POLB: variants seen among roughly 807,000 people sequenced by gnomAD.
POLB encodes DNA polymerase beta.
A neutral mutation model predicts 52.7 loss-of-function variants in POLB; 37 were observed. The ratio of observed to expected loss-of-function variants is 0.70; its 90% confidence interval spans 0.54 to 0.92. The LOEUF (loss-of-function observed/expected upper bound fraction) is 0.92. Ranked by LOEUF, POLB falls within the 40% of genes least tolerant of loss-of-function variation. POLB has a pLI of 0.00. For synonymous variants in POLB, 138 were observed against 131.3 expected (o/e 1.05, Z -0.35); for missense variants, 313 against 400.8 (o/e 0.78, Z 1.87).
intron 1 of POLB, 101 bp from the exon 2 acceptor site, chr8:42,338,911 T>G (rs1585858420): frequency 9.3e-7 from 1 of 1,079,484 alleles, no homozygotes; most frequent in Non-Finnish European, 1.4e-6. Flanking sequence ...AGGAAACGGG[T>G]GGTCACTGTC....
chr8:42,344,879 A>G lies in POLB; in HGVS notation c.120-74A>G, dbSNP rs930714716. The G allele has an allele frequency of 9.4e-6, 8 of 855,046 alleles. No individual in the cohort carries two copies. The African/African-American group carries it at 1.2e-4, about 13-fold the overall frequency. The allele number at this position is 855,046 out of a possible 1,614,324, so 53.0% of individuals were successfully genotyped here. ...CATAAGCATAGATATTTGCTTGTAT[A>G]TGTATTCCAGTTTAAGAAAAATTAA... On this transcript the variant is annotated intron_variant, in intron 2 of 13. Coordinates refer to ENST00000265421, the MANE Select transcript of POLB (RefSeq NM_002690.3).
intron 4 of POLB, 198 bp downstream of exon 4, chr8:42,349,288 A>G (rs1585881499): frequency 2.1e-6 from 1 of 468,722 alleles, no homozygotes; most frequent in Non-Finnish European, 3.8e-6. Context: ...TTAAGAGACT[A>G]TTAACACCCG....
At chr8:42,349,255 T>C (rs1345536375) in intron 4 of POLB, 165 bp downstream of exon 4, 1 of 518,802 alleles carries the variant, frequency 1.9e-6, no homozygotes, top group Non-Finnish European at 3.5e-6. Flanking sequence ...TTCCATAAAA[T>C]GTTCACTTGT....
chr8:42,340,015 C>T (rs927497107), intron 2 of POLB: 1 of 152,222 alleles, frequency 6.6e-6, no homozygotes, highest in Non-Finnish European at 1.5e-5. Context: ...GCCTGGACTT[C>T]TTAATACCTA....
chr8:42,338,881 G>C (rs1822018281), intron 1 of POLB, 131 bp from the exon 2 acceptor site: 2 of 962,822 alleles, frequency 2.1e-6, no homozygotes, highest in African/African-American at 3.2e-5. Flanking sequence ...CGCTTGGGCT[G>C]CTTTTGGTCT....
At chr8:42,341,012 G>A (rs148751473) in intron 2 of POLB, among the ~76,000 whole-genome samples, 7 of 152,170 alleles carry the variant, frequency 4.6e-5, no homozygotes, top group Non-Finnish European at 7.4e-5. Flanking sequence ...AGACATGAAG[G>A]GTATAACGTT....
intron 5 of POLB, among the ~76,000 whole-genome samples, chr8:42,350,561 G>A (rs1271069086): frequency 6.6e-6 from 1 of 151,910 alleles, no homozygotes; most frequent in African/African-American, 2.4e-5. Context: ...ATAGGTGCAC[G>A]CCCCCTTGCC....
At chr8:42,362,514 A>T (rs1296523097) in intron 10 of POLB, 98 bp from the exon 11 acceptor site, 2 of 754,400 alleles carry the variant, frequency 2.7e-6, no homozygotes, top group Non-Finnish European at 4.6e-6. Flanking sequence ...CAGCCTGTGC[A>T]ATATAGCAAG....
intron 9 of POLB, among the ~76,000 whole-genome samples, chr8:42,358,184 T>G (rs981728995): frequency 4.6e-5 from 7 of 152,138 alleles, no homozygotes; most frequent in African/African-American, 1.7e-4. Flanking sequence ...GTTTAAAATA[T>G]TGAAAAGCTC....
intron 2 of POLB, among the ~76,000 whole-genome samples, chr8:42,344,649 A>G (rs1206687896): frequency 4.0e-5 from 6 of 151,810 alleles, no homozygotes; most frequent in African/African-American, 1.2e-4. Context: ...CCTGGCCAAC[A>G]TGGTGAAACA....
At chr8:42,357,090 T>A (rs1823360685) in intron 7 of POLB, 79 bp from the exon 8 acceptor site, 1 of 777,866 alleles carries the variant, frequency 1.3e-6, no homozygotes, top group Non-Finnish European at 2.2e-6. Flanking sequence ...GCACGGACAA[T>A]TGTTATAAAA....
chr8:42,356,618 T>G (rs2130820667), intron 7 of POLB, among the ~76,000 whole-genome samples: 1 of 150,956 alleles, frequency 6.6e-6, no homozygotes, highest in East Asian at 2.0e-4. Flanking sequence ...TACCCCCACC[T>G]CAGACCTAGG....
At chr8:42,342,546 G>GTAATCAGTTTTAC in intron 2 of POLB, 1 of 786,056 alleles carries the variant, frequency 1.3e-6, no homozygotes, top group Non-Finnish European at 2.2e-6. Flanking sequence ...TCTGAGCATA[G>GTAATCAGTTTTAC]TAATCAGTTT....
intron 6 of POLB, among the ~76,000 whole-genome samples, chr8:42,354,021 G>A (rs1823146031): frequency 6.6e-6 from 1 of 152,168 alleles, no homozygotes; most frequent in South Asian, 2.1e-4. Context: ...TTTGATGCCT[G>A]TGGTATAGAC....
intron 2 of POLB, chr8:42,342,218 C>T (rs1822245718): frequency 1.3e-5 from 20 of 1,551,926 alleles, no homozygotes; most frequent in Non-Finnish European, 1.5e-5. Context: ...GGTGAAAGCA[C>T]CTGGCTGACC....
Position 42,349,989 on chromosome 8 carries a change from C to A in POLB, c.262-18C>A. 7.0e-7 allele frequency: 1 copy of A among 1,424,190 alleles called. No homozygotes were observed. The highest frequency in any genetic ancestry group is 9.7e-7 in the Non-Finnish European group (1 of 1,028,746). 88.2% of individuals were successfully genotyped at this position (1,424,190 alleles called of 1,614,324 possible). A position where few individuals can be genotyped will look rare whatever the true frequency, so the allele number is the denominator to read the frequency against. On this transcript the variant is annotated intron_variant, in intron 4 of 13. Transcript: ENST00000265421. ...AAAGCATTCCTAAATCATTGTTAGA[C>A]TTTTTTTTTTCTTAAAGATTCGGCA...
At chr8:42,363,968 C>G (rs1197889289) in intron 11 of POLB, among the ~76,000 whole-genome samples, 1 of 150,516 alleles carries the variant, frequency 6.6e-6, no homozygotes, top group Non-Finnish European at 1.5e-5. Flanking sequence ...CTCTTGTCAC[C>G]CGGGCTGGAG....
At chr8:42,342,290 C>G in intron 2 of POLB, 1 of 1,535,730 alleles carries the variant, frequency 6.5e-7, no homozygotes, top group Non-Finnish European at 8.9e-7. Flanking sequence ...TAGATCTTGT[C>G]CATGCCAAAC....
chr8:42,349,782 A>T (rs890245707), intron 4 of POLB, among the ~76,000 whole-genome samples: 1 of 152,236 alleles, frequency 6.6e-6, no homozygotes, highest in Non-Finnish European at 1.5e-5. Context: ...ATCTGTTAAG[A>T]ATAGACCTTT....
Sources: gnomAD v4.1 joint callset for allele counts (sites outside exome capture counted in the v4.1 genomes callset) on GRCh38, gnomAD v4.1.1 for gene constraint, MANE v1.5 for transcripts, NCBI Gene and HGNC (gene_info 2026-07-23, HGNC 2026-07-21) for gene names.